The following MICAL3 variants were observed in gnomAD, a reference collection of about 807,000 sequenced individuals.
MICAL3 encodes microtubule associated monooxygenase, calponin and LIM domain containing 3, also known as [F-actin]-monooxygenase MICAL3.
Under a neutral mutation model 207.4 loss-of-function variants are expected in MICAL3, and 62 were observed. The observed-to-expected ratio is 0.30, with a 90% CI of 0.24 to 0.37. The LOEUF (loss-of-function observed/expected upper bound fraction) is 0.37. Among genes scored for constraint, MICAL3 ranks in the 10% least tolerant of loss-of-function variants. MICAL3 has a pLI of 1.00. For missense variants in MICAL3, 2,368 were observed against 2,635.6 expected, an observed-to-expected ratio of 0.90 and a Z score of 2.22; for synonymous variants, 1,077 against 1,069.3, an observed-to-expected ratio of 1.01 and a Z score of -0.14.
At chr22:17,791,377 T>G (rs2145944839) in intron 29 of MICAL3, 76 bp from the exon 30 acceptor site, 1 of 1,282,404 alleles carries the variant, frequency 7.8e-7, no homozygotes, top group Middle Eastern at 1.8e-4. Context: ...ACGGGGCAAA[T>G]GTGCAAAGAG....
At chr22:18,024,069 G>C (rs1415547731) in intron 1 of MICAL3, among the ~76,000 whole-genome samples, 1 of 152,204 alleles carries the variant, frequency 6.6e-6, no homozygotes, top group East Asian at 1.9e-4. Context: ...TGCGATGATC[G>C]AGACACGGAT....
At chr22:17,914,118 G>A (rs900406809) in intron 1 of MICAL3, among the ~76,000 whole-genome samples, 2 of 152,212 alleles carry the variant, frequency 1.3e-5, no homozygotes, top group Admixed American at 6.5e-5. Context: ...AGCAATGAAA[G>A]CGCATACTCA....
chr22:17,982,779 A>G (rs56057197), intron 1 of MICAL3, among the ~76,000 whole-genome samples: 30,762 of 136,770 alleles, frequency 0.22, 3,469 homozygotes, highest in Middle Eastern at 0.29. Flanking sequence ...GTAAAATAAA[A>G]TAAAATAAAA....
chr22:17,872,455 G>A (rs930352455), intron 16 of MICAL3, among the ~76,000 whole-genome samples: 1 of 152,184 alleles, frequency 6.6e-6, no homozygotes, highest in African/African-American at 2.4e-5. Flanking sequence ...AGGCAGGAAG[G>A]GGCCCGAGGG....
chr22:17,827,598 G>T (rs368890503), intron 22 of MICAL3, 46 bp downstream of exon 22: 2 of 1,510,936 alleles, frequency 1.3e-6, no homozygotes. Context: ...GGCAGCAGGC[G>T]GGTGGTGCTC....
At chr22:17,965,519 T>C (rs1352875561) in intron 1 of MICAL3, among the ~76,000 whole-genome samples, 1 of 152,208 alleles carries the variant, frequency 6.6e-6, no homozygotes, top group Non-Finnish European at 1.5e-5. Flanking sequence ...CCCCCAGGAA[T>C]AACTGCAGCT....
Position 17,869,326 on chromosome 22 carries a change from C to A in MICAL3, c.2428+2511G>T, listed in dbSNP as rs1460330674. ...GAAACAGACTGGGGTGTAACAGAGG[C>A]AAGGAGACCAGTGGTCCAAGTGGAA... On this transcript the variant is annotated intron_variant, in intron 17 of 31. Transcript: ENST00000441493. Among the ~76,000 whole-genome samples the A allele has an allele frequency of 1.3e-5, 2 of 152,018 alleles. 1 individual carries two copies. Among genetic ancestry groups the A allele is most frequent in the Non-Finnish European group, 2.9e-5 (2 of 67,986 alleles).
At chr22:17,956,001 T>C (rs1212551153) in intron 1 of MICAL3, among the ~76,000 whole-genome samples, 1 of 152,226 alleles carries the variant, frequency 6.6e-6, no homozygotes, top group Non-Finnish European at 1.5e-5. Context: ...TTTATGAATG[T>C]TTATGAGCAC....
rs1481145764 is a variant in MICAL3 at position 17,841,110 on chromosome 22, CTCGGGTTTGCA to C, written c.2801+701_2801+711del. 1.3e-5 allele frequency: 2 copies of C among 152,510 alleles called. No individual in the cohort carries two copies. The highest frequency in any genetic ancestry group is 1.5e-5 in the Non-Finnish European group (1 of 68,268). 9.4% of individuals were successfully genotyped at this position (152,510 alleles called of 1,614,324 possible). A position where few individuals can be genotyped will look rare whatever the true frequency, so the allele number is the denominator to read the frequency against. ...CCAAGGCCACTTGAGGCCTCTGCCC[CTCGGGTTTGCA>C]GCCTGTGTTTCTGTCCTGAAGCCCC... On this transcript the variant is annotated intron_variant, in intron 20 of 31. Coordinates refer to ENST00000441493, the MANE Select transcript of MICAL3 (RefSeq NM_015241.3). This position sits in a 1 kb window ranked among gnomAD's most constrained non-coding sequence, Gnocchi z 4.2.
Position 17,889,024 on chromosome 22 carries a change from C to T in MICAL3, c.1891+10G>A. ...CAGGGGGCCGCAAAGCAGCTCCTTC[C>T]AGGCCTTACCGCTAGAGGGGAGGGA... On this transcript the variant is annotated intron_variant, in intron 13 of 31. Coordinates refer to ENST00000441493, the MANE Select transcript of MICAL3 (RefSeq NM_015241.3). The T allele has an allele frequency of 6.3e-7, 1 of 1,588,924 alleles. No homozygotes were observed. Among genetic ancestry groups the T allele is most frequent in the African/African-American group, 1.3e-5 (1 of 74,564 alleles).
At chr22:17,950,348 T>G (rs543439533) in intron 1 of MICAL3, among the ~76,000 whole-genome samples, 17 of 146,906 alleles carry the variant, frequency 1.2e-4, no homozygotes, top group East Asian at 7.9e-4. Flanking sequence ...TTTTTTTTTT[T>G]TTTTTTTTTT....
At chr22:17,965,489 T>C (rs58952930) in intron 1 of MICAL3, among the ~76,000 whole-genome samples, 6,476 of 152,318 alleles carry the variant, frequency 0.043, 331 homozygotes, top group East Asian at 0.2. Flanking sequence ...ACTGAAATAA[T>C]GGTGCTGATG....
chr22:17,940,758 A>G (rs984848962), intron 1 of MICAL3, among the ~76,000 whole-genome samples: 3 of 152,204 alleles, frequency 2.0e-5, no homozygotes, highest in Non-Finnish European at 4.4e-5. Context: ...TCAAGCAGTT[A>G]AAGAACCTTT....
intron 1 of MICAL3, among the ~76,000 whole-genome samples, chr22:17,917,913 AG>A (rs1440789248): frequency 5.3e-5 from 8 of 152,234 alleles, no homozygotes; most frequent in African/African-American, 1.9e-4. Context: ...GGCAGAGGTA[AG>A]CCCAGCTATG....
At chr22:17,805,000 T>C (rs1002602954) in intron 29 of MICAL3, among the ~76,000 whole-genome samples, 1 of 152,200 alleles carries the variant, frequency 6.6e-6, no homozygotes, top group Admixed American at 6.5e-5. Context: ...TACGTCGTCA[T>C]ACCTTAGACA....
At position 17,796,301 on chromosome 22, in the gene MICAL3, C is replaced by T. The variant is rs1010652294; in HGVS notation, c.5651-5000G>A. On this transcript the variant is annotated intron_variant, in intron 29 of 31. Transcript: ENST00000441493. The surrounding 1 kb of genome is among the most constrained non-coding windows in gnomAD (Gnocchi z 4.4). ...TTAGTGCCACTCGCTTGACACCTGG[C>T]GGGCAGGCAGTGCCTGTCACCAAAT... Among the ~76,000 whole-genome samples, 3 of 152,202 alleles carry T rather than the reference C, an allele frequency of 2.0e-5. No homozygotes were observed. Among genetic ancestry groups the T allele is most frequent in the South Asian group, 2.1e-4 (1 of 4,832 alleles).
Position 17,808,946 on chromosome 22 carries a change from GAC to G in MICAL3, c.5557-11_5557-10del. On this transcript the variant is annotated splice_polypyrimidine_tract_variant and intron_variant, in intron 28 of 31. Coordinates refer to ENST00000441493, the MANE Select transcript of MICAL3 (RefSeq NM_015241.3). ...AGCTGCCGCTGGATGATCTATGACA[GAC>G]AGCACAGACTGAGCACCCGGCTCTC... The G allele has an allele frequency of 6.5e-7, 1 of 1,547,690 alleles. No individual in the cohort carries two copies. Among genetic ancestry groups the G allele is most frequent in the Non-Finnish European group, 8.7e-7 (1 of 1,146,020 alleles).
chr22:17,894,658 G>T (rs1029600974), intron 10 of MICAL3, among the ~76,000 whole-genome samples: 3 of 151,628 alleles, frequency 2.0e-5, no homozygotes, highest in African/African-American at 7.3e-5. Context: ...TTAGCCAGGC[G>T]TGGAGGTGGG....
chr22:17,957,271 C>G (rs1254422379), intron 1 of MICAL3, among the ~76,000 whole-genome samples: 3 of 152,210 alleles, frequency 2.0e-5, no homozygotes, highest in Admixed American at 6.5e-5. Flanking sequence ...GAGACAAAAT[C>G]CTGATGGCCA....
Sources: allele counts gnomAD v4.1 joint callset (sites outside exome capture counted in the v4.1 genomes callset), GRCh38; gene constraint gnomAD v4.1.1; non-coding constraint Gnocchi (gnomAD v3.1); transcripts MANE v1.5; gene names NCBI Gene and HGNC (gene_info 2026-07-23, HGNC 2026-07-21).